NDUFB5: variants seen among roughly 807,000 people sequenced by gnomAD.
NDUFB5 encodes the protein NADH:ubiquinone oxidoreductase subunit B5, also known as NADH dehydrogenase [ubiquinone] 1 beta subcomplex subunit 5, mitochondrial.
In NDUFB5, 19 loss-of-function variants were observed where a neutral mutation model predicts 19.4. That is an observed-to-expected ratio of 0.98 (90% confidence interval 0.68 to 1.43). The LOEUF (loss-of-function observed/expected upper bound fraction) is 1.43, where lower values mean the gene tolerates loss of function less well. Among genes scored for constraint, NDUFB5 ranks in the 40% most tolerant of loss-of-function variants. The pLI, the probability that NDUFB5 is intolerant of heterozygous loss-of-function variation, is 0.00. For missense variants in NDUFB5, 233 were observed against 236.5 expected, an observed-to-expected ratio of 0.99 and a Z score of 0.10; for synonymous variants, 80 against 82.6, an observed-to-expected ratio of 0.97 and a Z score of 0.17.
chr3:179,621,100 CA>C (rs1439424956), intron 5 of NDUFB5, among the ~76,000 whole-genome samples: 1 of 152,086 alleles, frequency 6.6e-6, no homozygotes, highest in Non-Finnish European at 1.5e-5. Context: ...CCGCCCGAGA[CA>C]AAGTCTTGCT....
Position 179,604,828 on chromosome 3 carries a change from A to C in NDUFB5, c.13A>C (p.Ser5Arg). 6.2e-7 allele frequency: 1 copy of C among 1,606,752 alleles called. No individual in the cohort carries two copies. The highest frequency in any genetic ancestry group is 8.5e-7 in the Non-Finnish European group (1 of 1,178,342). The change falls in exon 1 of 6, where the codon AGT becomes CGT. Residue 5 changes from serine to arginine, a missense_variant. Coordinates refer to ENST00000259037, the MANE Select transcript of NDUFB5 (RefSeq NM_002492.4). MAAM[S>R]LLRRVSVTAV... ...GCCCGTAGTAGCCATGGCGGCCATG[A>C]GTTTGTTGCGGCGGGTTTCGGTTAC...
intron 4 of NDUFB5, chr3:179,617,268 G>A (rs558475652): frequency 3.0e-4 from 104 of 347,976 alleles, no homozygotes; most frequent in Non-Finnish European, 4.7e-4. Flanking sequence ...CTCCCACGTC[G>A]CTGGGATCAC....
intron 3 of NDUFB5, 69 bp downstream of exon 3, chr3:179,616,118 T>C: frequency 9.1e-7 from 1 of 1,103,526 alleles, no homozygotes; most frequent in Non-Finnish European, 1.3e-6. Flanking sequence ...TACATTAATA[T>C]AAAAAAGAAA....
At position 179,621,042 on chromosome 3, in the gene NDUFB5, G is replaced by GT. The variant is rs200309585; in HGVS notation, c.449+2528dup. 3.6e-3 allele frequency among the ~76,000 whole-genome samples: 546 copies of GT among 152,134 alleles called. 4 individuals carry two copies. Among genetic ancestry groups the GT allele is most frequent in the African/African-American group, 0.012 (518 of 41,518 alleles). On this transcript the variant is annotated intron_variant, in intron 5 of 5. Transcript: ENST00000259037. ...TTATATTTCTTTGTAAAGTTGAGTA[G>GT]TTTTTTTAATATCTATTAATTGTGT... is the stretch of plus-strand genomic sequence containing the variant.
intron 5 of NDUFB5, among the ~76,000 whole-genome samples, chr3:179,619,801 T>G (rs1719485738): frequency 1.3e-5 from 2 of 152,332 alleles, no homozygotes; most frequent in African/African-American, 2.4e-5. Context: ...TTGAACTAGT[T>G]TACAGTCCCA....
rs1039529556 is a variant in NDUFB5, at chr3:179,604,823, C to T, written c.8C>T (p.Ala3Val). The T allele has an allele frequency of 6.2e-7, 1 of 1,607,874 alleles. No homozygotes were observed. Among genetic ancestry groups the T allele is most frequent in the Non-Finnish European group, 8.5e-7 (1 of 1,178,616 alleles). The change falls in exon 1 of 6, where the codon GCC becomes GTC. Residue 3 changes from alanine (A) to valine (V), a missense_variant. By Grantham distance (64) the Ala-to-Val change is moderately conservative. Coordinates refer to ENST00000259037, the MANE Select transcript of NDUFB5 (RefSeq NM_002492.4). Reference sequence around the variant, plus strand: ...CTCCTGCCCGTAGTAGCCATGGCGGCCATGAGTTTGTTGCGGCGGGTTTCG... The same window carrying T: ...CTCCTGCCCGTAGTAGCCATGGCGGTCATGAGTTTGTTGCGGCGGGTTTCG... MA[A>V]MSLLRRVSVT...
At chr3:179,613,222 T>G (rs1719293041) in intron 1 of NDUFB5, among the ~76,000 whole-genome samples, 1 of 151,972 alleles carries the variant, frequency 6.6e-6, no homozygotes, top group Non-Finnish European at 1.5e-5. Flanking sequence ...TTGAGAGATC[T>G]CTTTGCCAGG....
chr3:179,606,157 A>G (rs1055097912), intron 1 of NDUFB5, among the ~76,000 whole-genome samples: 3 of 152,220 alleles, frequency 2.0e-5, no homozygotes, highest in African/African-American at 7.2e-5. Context: ...GGCGGTGTGA[A>G]TAATCATAGC....
rs746436817 is a variant in NDUFB5, at chr3:179,618,412, T to G, written c.343-3T>G. 6 of 1,585,106 alleles carry G rather than the reference T, an allele frequency of 3.8e-6. No individual in the cohort carries two copies. The South Asian group carries it at 4.6e-5, about 12-fold the overall frequency. On this transcript the variant is annotated splice_polypyrimidine_tract_variant and splice_region_variant and intron_variant, in intron 4 of 5. Transcript: ENST00000259037. Reference sequence around the variant, plus strand: ...CTAATATTAAACGAATTTTCTCTTGTAGCATCCCATATCAAGATGGATTGC... The same window carrying G: ...CTAATATTAAACGAATTTTCTCTTGGAGCATCCCATATCAAGATGGATTGC...
At chr3:179,619,442 C>T (rs1483072425) in intron 5 of NDUFB5, among the ~76,000 whole-genome samples, 1 of 151,356 alleles carries the variant, frequency 6.6e-6, no homozygotes, top group African/African-American at 2.4e-5. Flanking sequence ...TGACTGAGAA[C>T]ATGCAGTGTT....
intron 2 of NDUFB5, chr3:179,615,676 G>A (rs535300745): frequency 2.7e-5 from 14 of 511,086 alleles, no homozygotes; most frequent in Admixed American, 2.1e-4. Flanking sequence ...TTGCCCTTCC[G>A]TTGTGTTTAA....
chr3:179,617,011 A>C lies in NDUFB5; in HGVS notation c.309A>C (p.Glu103Asp), dbSNP rs1328066991. The change falls in exon 4 of 6, where the codon GAA (glutamate) becomes GAC (aspartate). Residue 103 changes from glutamate to aspartate, a missense_variant. Physicochemically the swap from Glu to Asp is conservative, Grantham distance 45. Coordinates refer to ENST00000259037, the MANE Select transcript of NDUFB5 (RefSeq NM_002492.4). ...AAGCTGAACTAGCAGAAATTCCAGA[A>C]GGCTATGTCCCAGAACACTGGGAAT... ...IGQAELAEIP[E>D]GYVPEHWEYY... 6.2e-7 allele frequency: 1 copy of C among 1,612,982 alleles called. No homozygotes were observed. Among genetic ancestry groups the C allele is most frequent in the South Asian group, 1.1e-5 (1 of 91,032 alleles).
intron 1 of NDUFB5, among the ~76,000 whole-genome samples, chr3:179,606,665 A>G (rs1289016538): frequency 6.6e-6 from 1 of 152,188 alleles, no homozygotes; most frequent in Admixed American, 6.5e-5. Context: ...GGTTTAAAGT[A>G]TTAATTTATT....
intron 1 of NDUFB5, among the ~76,000 whole-genome samples, chr3:179,611,863 T>C (rs1307054380): frequency 6.6e-6 from 1 of 151,174 alleles, no homozygotes; most frequent in Non-Finnish European, 1.5e-5. Context: ...AATAAATACT[T>C]AATGGAGAAA....
chr3:179,620,777 T>C (rs1719514149), intron 5 of NDUFB5, among the ~76,000 whole-genome samples: 2 of 152,194 alleles, frequency 1.3e-5, no homozygotes, highest in Non-Finnish European at 2.9e-5. Flanking sequence ...CCATATTGTT[T>C]GCATATTTAT....
Position 179,625,871 on chromosome 3 carries a change from A to G in NDUFB5, c.*1831A>G, listed in dbSNP as rs1456034282. 6.6e-6 allele frequency: 1 copy of G among 152,214 alleles called. No individual in the cohort carries two copies. The highest frequency in any genetic ancestry group is 1.5e-5 in the Non-Finnish European group (1 of 68,050). The allele number at this position is 152,214 out of a possible 1,614,324, so 9.4% of individuals were successfully genotyped here. ...TTCCATCCATGTTGCTACAAATGACAGAATCCCATTCTTTTTCATAATATT... is the reference window on the plus strand; with the variant it reads ...TTCCATCCATGTTGCTACAAATGACGGAATCCCATTCTTTTTCATAATATT... On this transcript the variant is annotated 3_prime_UTR_variant, in exon 6 of 6. Transcript: ENST00000259037.
intron 1 of NDUFB5, among the ~76,000 whole-genome samples, chr3:179,606,575 T>C (rs1719108448): frequency 6.6e-6 from 1 of 152,162 alleles, no homozygotes; most frequent in Non-Finnish European, 1.5e-5. Context: ...CCTGACCTCG[T>C]GATCCACCTG....
chr3:179,618,999 C>T (rs1476600303), intron 5 of NDUFB5, among the ~76,000 whole-genome samples: 1 of 151,912 alleles, frequency 6.6e-6, no homozygotes, highest in Non-Finnish European at 1.5e-5. Flanking sequence ...GGAAGTCTTG[C>T]TCTGTTGCCC....
At position 179,616,979 on chromosome 3, in the gene NDUFB5, T is replaced by C. The variant is rs769385934; in HGVS notation, c.281-4T>C. Reference sequence around the variant, plus strand: ...AGTTAAACATAACCATTTTTTCTTATTAGGTCAAGCTGAACTAGCAGAAAT... The same window carrying C: ...AGTTAAACATAACCATTTTTTCTTACTAGGTCAAGCTGAACTAGCAGAAAT... On this transcript the variant is annotated splice_polypyrimidine_tract_variant and splice_region_variant and intron_variant, in intron 3 of 5. Coordinates refer to ENST00000259037, the MANE Select transcript of NDUFB5 (RefSeq NM_002492.4). 1.9e-6 allele frequency: 3 copies of C among 1,608,642 alleles called. No homozygotes were observed. The highest frequency in any genetic ancestry group is 2.2e-5 in the South Asian group (2 of 90,756).
Sources: allele counts gnomAD v4.1 joint callset (sites outside exome capture counted in the v4.1 genomes callset), GRCh38; gene constraint gnomAD v4.1.1; transcripts MANE v1.5; gene names NCBI Gene and HGNC (gene_info 2026-07-23, HGNC 2026-07-21).